Variants in MROH1 observed in about 807,000 individuals in gnomAD.
MROH1 encodes maestro heat-like repeat-containing protein family member 1.
MROH1 carries 117 observed loss-of-function variants against 116.5 expected under a neutral mutation model. That is an observed-to-expected ratio of 1.00 (90% CI 0.86 to 1.17). MROH1 has a LOEUF of 1.17. Ranked by LOEUF, MROH1 falls within the 50% of genes most tolerant of loss-of-function variation. The pLI, the probability that MROH1 is intolerant of heterozygous loss-of-function variation, is 0.00. For synonymous variants in MROH1, 921 were observed against 583.9 expected, an observed-to-expected ratio of 1.58 and a Z score of -8.32; for missense variants, 1,873 against 1,338.5, an observed-to-expected ratio of 1.40 and a Z score of -6.23.
chr8:144,230,502 C>CTT (rs111658619), intron 14 of MROH1, among the ~76,000 whole-genome samples: 7,902 of 132,304 alleles, frequency 0.06, 763 homozygotes, highest in African/African-American at 0.2. Context: ...TCATTTCTGG[C>CTT]TTTTTTTTTT....
chr8:144,260,699 C>T lies in MROH1; in HGVS notation c.4403C>T (p.Ala1468Val), dbSNP rs890678485. The T allele has an allele frequency of 9.9e-5, 77 of 779,538 alleles. No individual in the cohort carries two copies. Among genetic ancestry groups the T allele is most frequent in the Admixed American group, 1.9e-4 (11 of 59,044 alleles). 48.3% of individuals were successfully genotyped at this position (779,538 alleles called of 1,614,324 possible). A position where few individuals can be genotyped will look rare whatever the true frequency, so the allele number is the denominator to read the frequency against. Residue 1468 changes from alanine (A) to valine (V), a missense_variant, in exon 40 of 44, where the codon GCA (alanine) becomes GTA (valine). Ala to Val is a moderately conservative substitution (Grantham distance 64). Coordinates refer to ENST00000326134, the MANE Select transcript of MROH1 (RefSeq NM_032450.3). Reference protein sequence around the residue: ...FDSEKMEFRTASIRLFGHLNK... With the variant: ...FDSEKMEFRTVSIRLFGHLNK... ...CAGGAGAAGATGGAGTTCCGGACGG[C>T]ATCTATCCGCCTCTTTGGGCACCTT...
intron 14 of MROH1, among the ~76,000 whole-genome samples, chr8:144,237,837 T>A (rs2132820489): frequency 6.6e-6 from 1 of 152,344 alleles, no homozygotes; most frequent in Non-Finnish European, 1.5e-5. Context: ...ACAGGCATTG[T>A]CCCCAGTCTG....
At chr8:144,170,826 G>A (rs896006152) in intron 4 of MROH1, among the ~76,000 whole-genome samples, 4 of 152,242 alleles carry the variant, frequency 2.6e-5, no homozygotes, top group Admixed American at 6.5e-5. Flanking sequence ...TCTTGTACAC[G>A]TCAGCCAGGG....
At chr8:144,207,946 C>CCTT (rs1564478432) in intron 12 of MROH1, among the ~76,000 whole-genome samples, 1 of 135,134 alleles carries the variant, frequency 7.4e-6, no homozygotes, top group Non-Finnish European at 1.6e-5. Context: ...TTTTTAATTA[C>CCTT]TTTTTTTTTT....
intron 10 of MROH1, among the ~76,000 whole-genome samples, chr8:144,196,481 C>G (rs1023013649): frequency 1.3e-5 from 2 of 151,106 alleles, no homozygotes; most frequent in Non-Finnish European, 3.0e-5. Flanking sequence ...CTCAGCCTCC[C>G]GAGTAGCTGG....
intron 7 of MROH1, among the ~76,000 whole-genome samples, chr8:144,186,506 C>A (rs1827210865): frequency 1.3e-5 from 2 of 152,178 alleles, no homozygotes; most frequent in Admixed American, 1.3e-4. Flanking sequence ...CCGTCCATGC[C>A]CCTGCTGCTG....
At position 144,240,516 on chromosome 8, in the gene MROH1, C is replaced by G. The variant is rs898693935; in HGVS notation, c.1828-54C>G. Reference sequence around the variant, plus strand: ...ACATGGGGATGTGCCCAGGCTCCAGCCAGCCCTGTGAGGGGTCGGGCTCCC... The same window carrying G: ...ACATGGGGATGTGCCCAGGCTCCAGGCAGCCCTGTGAGGGGTCGGGCTCCC... On this transcript the variant is annotated intron_variant, in intron 19 of 43. Transcript: ENST00000326134. 8 of 711,852 alleles carry G rather than the reference C, an allele frequency of 1.1e-5. No individual in the cohort carries two copies. In the African/African-American group the frequency reaches 1.4e-4, roughly 12 times the overall value. 44.1% of individuals were successfully genotyped at this position (711,852 alleles called of 1,614,324 possible).
chr8:144,199,134 G>A lies in MROH1; in HGVS notation c.961G>A (p.Val321Met), dbSNP rs781684704. Reference sequence around the variant, plus strand: ...GTTCCTGGAGCAGATCTGTGTGCCTGTGGAGTCCTCAAGCCCCCTGGTGAT... The same window carrying A: ...GTTCCTGGAGCAGATCTGTGTGCCTATGGAGTCCTCAAGCCCCCTGGTGAT... ...AALHSQICVPVESSSPLVMSN... is the reference protein window; with the variant it reads ...AALHSQICVPMESSSPLVMSN... The change falls in exon 11 of 44, where the codon GTG (valine) becomes ATG (methionine). Residue 321 changes from valine (V) to methionine (M), a missense_variant. Transcript: ENST00000326134. 4 of 1,613,778 alleles carry A rather than the reference G, an allele frequency of 2.5e-6. No homozygotes were observed. The highest frequency in any genetic ancestry group is 1.1e-5 in the South Asian group (1 of 91,010).
intron 10 of MROH1, among the ~76,000 whole-genome samples, chr8:144,195,249 C>CCCAGCA (rs1218558426): frequency 7.3e-6 from 1 of 137,884 alleles, no homozygotes; most frequent in Non-Finnish European, 1.5e-5. Context: ...TGCCTGTAAT[C>CCCAGCA]CCAGCACTTT....
chr8:144,204,935 C>T (rs1042990884), intron 12 of MROH1, among the ~76,000 whole-genome samples: 1 of 152,166 alleles, frequency 6.6e-6, no homozygotes, highest in Non-Finnish European at 1.5e-5. Flanking sequence ...TAGATAAACC[C>T]TTCTGTTTTT....
intron 14 of MROH1, among the ~76,000 whole-genome samples, chr8:144,225,158 C>T (rs1330935733): frequency 6.6e-6 from 1 of 152,054 alleles, no homozygotes; most frequent in East Asian, 1.9e-4. Flanking sequence ...CCTGCCTCAG[C>T]CTCCCGAGTA....
chr8:144,180,986 C>G lies in MROH1; in HGVS notation c.562+463C>G, dbSNP rs2131346058. On this transcript the variant is annotated intron_variant, in intron 7 of 43. Coordinates refer to ENST00000326134, the MANE Select transcript of MROH1 (RefSeq NM_032450.3). The surrounding 1 kb of genome is among the most constrained non-coding windows in gnomAD (Gnocchi z 7.4). ...GCCTGGCAGGGGACTGCGGGCATGT[C>G]ATGGGCCTGGACCTTGGTTTCCCCT... Among the ~76,000 whole-genome samples, 1 of 152,264 alleles carries G rather than the reference C, an allele frequency of 6.6e-6. No individual in the cohort carries two copies. Among genetic ancestry groups the G allele is most frequent in the East Asian group, 1.9e-4 (1 of 5,178 alleles).
intron 14 of MROH1, among the ~76,000 whole-genome samples, chr8:144,225,915 T>TTG (rs1380477159): frequency 2.1e-4 from 30 of 143,650 alleles, no homozygotes; most frequent in African/African-American, 6.7e-4. Flanking sequence ...TTTTAGTTTT[T>TTG]TTTTTTTTTT....
intron 12 of MROH1, among the ~76,000 whole-genome samples, chr8:144,212,382 G>C (rs1834313612): frequency 6.6e-6 from 1 of 151,656 alleles, no homozygotes; most frequent in South Asian, 2.1e-4. Flanking sequence ...ACTGCACCTA[G>C]CCAAGAAGTT....
chr8:144,192,870 G>T, intron 10 of MROH1: 1 of 331,800 alleles, frequency 3.0e-6, no homozygotes. Context: ...CAGGTCGGGT[G>T]AATGAGGCTG....
rs188028758 is a variant in MROH1 at position 144,159,346 on chromosome 8, G to T, written c.-176-1624G>T. Among the ~76,000 whole-genome samples, 13 of 152,260 alleles carry T rather than the reference G, an allele frequency of 8.5e-5. No individual in the cohort carries two copies. In the East Asian group the frequency reaches 2.3e-3, roughly 27 times the overall value. ...GTACTCCAGCCTGGGCGACAAAAGC[G>T]AAACTCCGTGTCAAAAAGAAAGGAG... On this transcript the variant is annotated intron_variant, in intron 1 of 43. Transcript: ENST00000326134.
At chr8:144,178,559 G>A (rs977408885) in intron 4 of MROH1, among the ~76,000 whole-genome samples, 2 of 152,098 alleles carry the variant, frequency 1.3e-5, no homozygotes, top group Non-Finnish European at 2.9e-5. Flanking sequence ...GTGAGCCACC[G>A]CGCCTGTTCG....
intron 12 of MROH1, among the ~76,000 whole-genome samples, chr8:144,214,650 T>C (rs1834873776): frequency 6.6e-6 from 1 of 152,170 alleles, no homozygotes. Context: ...TGCATTCTCG[T>C]GTGGGGCCGC....
At position 144,250,228 on chromosome 8, in the gene MROH1, G is replaced by GCGGA. The variant is rs1842631910; in HGVS notation, c.3292_3293insGACG (p.Val1098GlyfsTer76). 1 of 767,630 alleles carries GCGGA rather than the reference G, an allele frequency of 1.3e-6. No individual in the cohort carries two copies. Among genetic ancestry groups the GCGGA allele is most frequent in the Non-Finnish European group, 2.4e-6 (1 of 416,910 alleles). The allele number at this position is 767,630 out of a possible 1,614,324, so 47.6% of individuals were successfully genotyped here. On this transcript the variant is annotated frameshift_variant, in exon 33 of 44. Transcript: ENST00000326134. LOFTEE classifies it high-confidence loss of function. ...CATCTACAGGTGCCCGAGATCGTGA[G>GCGGA]CGTCCTGCGCTCCAAGCTTCAGGAG...
Sources: gnomAD v4.1 joint callset for allele counts (sites outside exome capture counted in the v4.1 genomes callset) on GRCh38, gnomAD v4.1.1 for gene constraint, Gnocchi (gnomAD v3.1) non-coding constraint, MANE v1.5 for transcripts, NCBI Gene and HGNC (gene_info 2026-07-23, HGNC 2026-07-21) for gene names.